LOC400499: variants seen among roughly 807,000 people sequenced by gnomAD.
the LOC400499 span, among the ~76,000 whole-genome samples, chr16:11,499,528 C>G: frequency 6.6e-6 from 1 of 152,084 alleles, no homozygotes; most frequent in Non-Finnish European, 1.5e-5. Context: ...TGATTCTTGT[C>G]TGCTGAGCAG....
chr16:11,499,691 T>G, the LOC400499 span, among the ~76,000 whole-genome samples: 1 of 152,130 alleles, frequency 6.6e-6, no homozygotes, highest in Non-Finnish European at 1.5e-5. Context: ...ATTCTACCAA[T>G]GCAGGGGTCT....
chr16:11,374,517 C>G, the LOC400499 span, among the ~76,000 whole-genome samples: 2 of 152,230 alleles, frequency 1.3e-5, no homozygotes, highest in African/African-American at 4.8e-5. Context: ...GCAGCCACCA[C>G]TGTACTTTCT....
At chr16:11,395,399 G>A in the LOC400499 span, among the ~76,000 whole-genome samples, 36,465 of 152,116 alleles carry the variant, frequency 0.24, 4,667 homozygotes, top group African/African-American at 0.32. Flanking sequence ...CCGAGCATCC[G>A]CCATGGGTTC....
At chr16:11,519,998 C>G in the LOC400499 span, among the ~76,000 whole-genome samples, 1 of 152,114 alleles carries the variant, frequency 6.6e-6, no homozygotes, top group Non-Finnish European at 1.5e-5. Context: ...CCACCGCGCC[C>G]GGCCTATGTG....
At chr16:11,386,963 C>G in the LOC400499 span, 89 of 528,212 alleles carry the variant, frequency 1.7e-4, 1 homozygote, top group African/African-American at 1.3e-3. Flanking sequence ...AGGATGTGTA[C>G]CCTCAGCCCT....
the LOC400499 span, chr16:11,443,491 A>AAGAGAGAGAGAGAC: frequency 7.6e-6 from 1 of 132,234 alleles, no homozygotes; most frequent in African/African-American, 6.8e-5. Context: ...AAAAAAAAAA[A>AAGAGAGAGAGAGAC]AGAGAGAGAG....
chr16:11,460,912 G>A, the LOC400499 span: 2 of 1,483,948 alleles, frequency 1.3e-6, no homozygotes, highest in Non-Finnish European at 1.8e-6. Flanking sequence ...TAGGAAACAG[G>A]GCAGGCCCTG....
chr16:11,501,939 A>G, the LOC400499 span: 16 of 393,824 alleles, frequency 4.1e-5, no homozygotes, highest in Non-Finnish European at 1.8e-5. Flanking sequence ...ACTGAAGGAC[A>G]AGTCAGTGTC....
the LOC400499 span, among the ~76,000 whole-genome samples, chr16:11,497,264 G>A: frequency 2.0e-5 from 3 of 152,238 alleles, no homozygotes; most frequent in African/African-American, 7.2e-5. Context: ...CTTGGCGTGT[G>A]CATCTCACTG....
chr16:11,460,940 G>A, the LOC400499 span: 11 of 1,506,376 alleles, frequency 7.3e-6, 1 homozygote, highest in South Asian at 2.5e-5. Flanking sequence ...CACCTGCCCC[G>A]CAACCAGGCA....
the LOC400499 span, chr16:11,387,064 A>T: frequency 9.0e-6 from 11 of 1,219,526 alleles, no homozygotes; most frequent in Non-Finnish European, 1.0e-5. Context: ...CCCAGGAGGC[A>T]GGGGGCTCTC....
At chr16:11,469,794 G>C in the LOC400499 span, 3 of 397,012 alleles carry the variant, frequency 7.6e-6, no homozygotes. Flanking sequence ...GAATTGTAAA[G>C]CTCTGCAGAA....
chr16:11,470,362 G>A, the LOC400499 span, among the ~76,000 whole-genome samples: 6 of 152,002 alleles, frequency 3.9e-5, no homozygotes, highest in Non-Finnish European at 8.8e-5. Context: ...CACACTCTGC[G>A]AGTACCTCGT....
chr16:11,424,157 G>C, the LOC400499 span: 26 of 399,350 alleles, frequency 6.5e-5, no homozygotes, highest in African/African-American at 4.9e-4. Context: ...CCCAGTGCTT[G>C]AGGCTGGGCA....
chr16:11,452,746 C>G, the LOC400499 span, among the ~76,000 whole-genome samples: 1 of 152,252 alleles, frequency 6.6e-6, no homozygotes, highest in Non-Finnish European at 1.5e-5. Flanking sequence ...GTCCTGCAAA[C>G]TTGTCACCAT....
the LOC400499 span, among the ~76,000 whole-genome samples, chr16:11,507,068 G>A: frequency 6.9e-6 from 1 of 145,412 alleles, no homozygotes; most frequent in Non-Finnish European, 1.5e-5. Context: ...TCCAAAAGTG[G>A]AGATCGAGGC....
the LOC400499 span, chr16:11,402,169 G>A: frequency 2.5e-6 from 1 of 399,126 alleles, no homozygotes. Flanking sequence ...CTGGGTGGGT[G>A]AGGACACACA....
At chr16:11,429,659 C>T in the LOC400499 span, among the ~76,000 whole-genome samples, 2 of 151,862 alleles carry the variant, frequency 1.3e-5, no homozygotes, top group Non-Finnish European at 2.9e-5. Context: ...TTTTCAGTAG[C>T]GACGGGGTTT....
chr16:11,455,750 A>G, the LOC400499 span, among the ~76,000 whole-genome samples: 1 of 150,240 alleles, frequency 6.7e-6, no homozygotes, highest in Non-Finnish European at 1.5e-5. Context: ...AGAAAAAAAA[A>G]AAAAAAGAAA....
Sources: allele counts gnomAD v4.1 joint callset (sites outside exome capture counted in the v4.1 genomes callset), GRCh38; gene constraint gnomAD v4.1.1; transcripts MANE v1.5.